Variants in ZNF148 observed in about 807,000 individuals in gnomAD.
ZNF148 encodes the protein Beta-Enolase Repressor Factor-1.
ZNF148 carries 7 observed loss-of-function variants against 67.7 expected under a neutral mutation model. That is an observed-to-expected ratio of 0.10 (90% CI 0.06 to 0.19). The LOEUF (loss-of-function observed/expected upper bound fraction) is 0.19. Ranked by LOEUF, ZNF148 falls within the 10% of genes least tolerant of loss-of-function variation. The pLI, the probability that ZNF148 is intolerant of heterozygous loss-of-function variation, is 1.00. For missense variants in ZNF148, 583 were observed against 947.1 expected, an observed-to-expected ratio of 0.62 and a Z score of 5.05; for synonymous variants, 333 against 330.7, an observed-to-expected ratio of 1.01 and a Z score of -0.08.
intron 7 of ZNF148, among the ~76,000 whole-genome samples, chr3:125,255,349 C>T (rs912892442): frequency 2.1e-5 from 3 of 139,994 alleles, no homozygotes; most frequent in Non-Finnish European, 4.5e-5. Context: ...CAGGTTCAAG[C>T]GATTCTCCTG....
At chr3:125,343,684 C>A (rs1159622803) in intron 1 of ZNF148, among the ~76,000 whole-genome samples, 2 of 152,182 alleles carry the variant, frequency 1.3e-5, no homozygotes, top group Non-Finnish European at 2.9e-5. Context: ...TAAAAGCTAG[C>A]CACGCCAGCC....
At chr3:125,362,815 G>A (rs189919398) in intron 1 of ZNF148, among the ~76,000 whole-genome samples, 122 of 152,124 alleles carry the variant, frequency 8.0e-4, no homozygotes, top group Non-Finnish European at 3.4e-4. Context: ...TCAGCCTCCC[G>A]AACTGCTGAA....
Position 125,233,839 on chromosome 3 carries a change from G to A in ZNF148, c.887C>T (p.Thr296Ile), listed in dbSNP as rs1935963649. The A allele has an allele frequency of 1.2e-6, 2 of 1,613,612 alleles. No individual in the cohort carries two copies. Among genetic ancestry groups the A allele is most frequent in the African/African-American group, 1.3e-5 (1 of 74,972 alleles). ...AGAAAAGCCAGAATCTTCCTCAGATGTCAGAAGGCCACCTTTGATGGCACA... is the reference window on the plus strand; with the variant it reads ...AGAAAAGCCAGAATCTTCCTCAGATATCAGAAGGCCACCTTTGATGGCACA... Reference protein sequence around the residue: ...NRCAIKGGLLTSEEDSGFSTS... With the variant: ...NRCAIKGGLLISEEDSGFSTS... Residue 296 changes from threonine (T) to isoleucine (I), a missense_variant, in exon 9 of 9, where the codon ACA becomes ATA. By Grantham distance (89) the Thr-to-Ile change is moderately conservative (BLOSUM62 -1). Coordinates refer to ENST00000360647, the MANE Select transcript of ZNF148 (RefSeq NM_021964.3). This position sits in a 1 kb window ranked among gnomAD's most constrained non-coding sequence, Gnocchi z 5.1.
In ZNF148 at chr3:125,288,151, T is replaced by C. The variant is rs752048186; in HGVS notation, c.411A>G (p.Pro137=). ...LMRDKKQIRE[P]VDLQKKKKRK... ...GCTTCTTCTTTTTCTGTAAGTCTAC[T>C]GGCTCTCTGATTTGTTTTTTGTCTC... Residue 137 remains proline (P), a synonymous_variant, in exon 5 of 9, where the codon CCA becomes CCG. Coordinates refer to ENST00000360647, the MANE Select transcript of ZNF148 (RefSeq NM_021964.3). 5 of 1,613,962 alleles carry C rather than the reference T, an allele frequency of 3.1e-6. No individual in the cohort carries two copies. The highest frequency in any genetic ancestry group is 2.2e-5 in the South Asian group (2 of 91,086).
At chr3:125,340,987 CAAAAAAAAAAAA>C (rs934719609) in intron 1 of ZNF148, among the ~76,000 whole-genome samples, 15 of 12,172 alleles carry the variant, frequency 1.2e-3, no homozygotes, top group Admixed American at 4.0e-3. Flanking sequence ...GACTCCGGCT[CAAAAAAAAAAAA>C]AAAAAAAAAA....
intron 1 of ZNF148, among the ~76,000 whole-genome samples, chr3:125,361,987 A>T (rs1483522092): frequency 1.3e-5 from 2 of 152,180 alleles, no homozygotes; most frequent in East Asian, 3.8e-4. Flanking sequence ...CCTGTCCAAC[A>T]GCCATTTTAA....
intron 5 of ZNF148, among the ~76,000 whole-genome samples, chr3:125,282,010 A>T (rs1462051099): frequency 6.6e-6 from 1 of 152,170 alleles, no homozygotes; most frequent in Non-Finnish European, 1.5e-5. Context: ...TATACCTGTC[A>T]AAGGACCTGG....
intron 7 of ZNF148, among the ~76,000 whole-genome samples, chr3:125,247,908 CA>C (rs1936672400): frequency 6.6e-6 from 1 of 152,034 alleles, no homozygotes. Context: ...ATGAAAAATA[CA>C]AAACAAAACA....
At chr3:125,249,901 T>C (rs547398335) in intron 7 of ZNF148, among the ~76,000 whole-genome samples, 96 of 152,264 alleles carry the variant, frequency 6.3e-4, no homozygotes, top group Non-Finnish European at 1.2e-3. Context: ...GAGGACATTA[T>C]ATTAGTTGAA....
chr3:125,270,361 A>C (rs1937668899), intron 7 of ZNF148, among the ~76,000 whole-genome samples: 1 of 151,794 alleles, frequency 6.6e-6, no homozygotes, highest in South Asian at 2.1e-4. Context: ...AAAATACAAA[A>C]AATTAAAAAA....
chr3:125,304,731 C>T (rs1240218500), intron 4 of ZNF148, among the ~76,000 whole-genome samples: 1 of 152,026 alleles, frequency 6.6e-6, no homozygotes, highest in Non-Finnish European at 1.5e-5. Flanking sequence ...TATATACATA[C>T]ATACATTCTC....
At chr3:125,289,821 A>C (rs1938909922) in intron 4 of ZNF148, among the ~76,000 whole-genome samples, 1 of 152,212 alleles carries the variant, frequency 6.6e-6, no homozygotes, top group African/African-American at 2.4e-5. Flanking sequence ...TTCATAAATA[A>C]GTTCTGCTGT....
At chr3:125,357,604 C>T (rs1942400754) in intron 1 of ZNF148, 1 of 152,666 alleles carries the variant, frequency 6.6e-6, no homozygotes. Flanking sequence ...ACCGCACAGC[C>T]GGCACAGTCC....
chr3:125,358,492 A>C (rs570371795), intron 1 of ZNF148, among the ~76,000 whole-genome samples: 2 of 152,026 alleles, frequency 1.3e-5, no homozygotes, highest in Non-Finnish European at 2.9e-5. Flanking sequence ...CAAAGCTAAC[A>C]CTCTCCAACT....
At chr3:125,360,842 A>T (rs1942513763) in intron 1 of ZNF148, among the ~76,000 whole-genome samples, 1 of 149,300 alleles carries the variant, frequency 6.7e-6, no homozygotes, top group African/African-American at 2.4e-5. Flanking sequence ...AATTAAAATT[A>T]AAAAATTAAA....
At chr3:125,262,858 G>A (rs543682442) in intron 7 of ZNF148, among the ~76,000 whole-genome samples, 1 of 152,308 alleles carries the variant, frequency 6.6e-6, no homozygotes, top group Non-Finnish European at 1.5e-5. Flanking sequence ...TTGGTTCAAT[G>A]ACACATAATG....
In ZNF148 at chr3:125,367,928, C is replaced by G. The variant is rs1296637071; in HGVS notation, c.-234+7174G>C. On this transcript the variant is annotated intron_variant, in intron 1 of 8. Coordinates refer to ENST00000360647, the MANE Select transcript of ZNF148 (RefSeq NM_021964.3). ...CAAATGTGAATCTGAAAGGAACAAA[C>G]CAGTAGGAGTAGCTAAAATGAAACA... Among the ~76,000 whole-genome samples the G allele has an allele frequency of 4.6e-5, 7 of 152,250 alleles. No individual in the cohort carries two copies. The East Asian group carries it at 1.4e-3, about 29-fold the overall frequency.
chr3:125,334,465 C>T (rs893131586), intron 1 of ZNF148, among the ~76,000 whole-genome samples: 1 of 152,116 alleles, frequency 6.6e-6, no homozygotes, highest in Non-Finnish European at 1.5e-5. Context: ...TTAACTCTCC[C>T]TTTGCTACCT....
rs539380060 is a variant in ZNF148 at position 125,358,997 on chromosome 3, T to C, written c.-234+16105A>G. On this transcript the variant is annotated intron_variant, in intron 1 of 8. Coordinates refer to ENST00000360647, the MANE Select transcript of ZNF148 (RefSeq NM_021964.3). ...ACTATAATCCTTCCCATCACCTTCT[T>C]TAAGATACTCATCATTGGCCTAACC... Among the ~76,000 whole-genome samples, 4 of 152,304 alleles carry C rather than the reference T, an allele frequency of 2.6e-5. No individual in the cohort carries two copies. The South Asian group carries it at 8.3e-4, about 32-fold the overall frequency.
Sources: gnomAD v4.1 joint callset for allele counts (sites outside exome capture counted in the v4.1 genomes callset) on GRCh38, gnomAD v4.1.1 for gene constraint, Gnocchi (gnomAD v3.1) non-coding constraint, MANE v1.5 for transcripts, NCBI Gene and HGNC (gene_info 2026-07-23, HGNC 2026-07-21) for gene names.